The following SULF1 variants were observed in gnomAD, a reference collection of about 807,000 sequenced individuals.
SULF1 encodes the protein sulfatase 1.
In SULF1, 46 loss-of-function variants were observed where a neutral mutation model predicts 110.5. The observed-to-expected ratio is 0.42, with a 90% CI of 0.33 to 0.53. The LOEUF (loss-of-function observed/expected upper bound fraction) is 0.53, where lower values mean the gene tolerates loss of function less well. Ranked by LOEUF, SULF1 falls within the 20% of genes least tolerant of loss-of-function variation. SULF1 has a pLI of 0.12. For missense variants in SULF1, 941 were observed against 1,094.2 expected (o/e 0.86, Z 1.98); for synonymous variants, 371 against 387.1 (o/e 0.96, Z 0.49).
intron 22 of SULF1, among the ~76,000 whole-genome samples, chr8:69,645,188 C>T (rs1035011428): frequency 3.9e-5 from 6 of 152,144 alleles, no homozygotes; most frequent in Non-Finnish European, 8.8e-5. Flanking sequence ...TGGGTAGCGG[C>T]AGGGGTGACA....
chr8:69,592,033 G>C (rs569495480), intron 8 of SULF1, among the ~76,000 whole-genome samples: 4 of 152,174 alleles, frequency 2.6e-5, no homozygotes, highest in Admixed American at 1.3e-4. Context: ...GCAGACGTTC[G>C]CAGGGCTGTG....
At chr8:69,532,423 C>G (rs1257420498) in intron 3 of SULF1, among the ~76,000 whole-genome samples, 3 of 151,970 alleles carry the variant, frequency 2.0e-5, no homozygotes, top group African/African-American at 4.8e-5. Flanking sequence ...TGTAATAGAT[C>G]CATTAGCATT....
rs1288227730 is a variant in SULF1 at position 69,623,958 on chromosome 8, TG to T, written c.1612del (p.Val538SerfsTer20). 1 of 1,613,730 alleles carries T rather than the reference TG, an allele frequency of 6.2e-7. No individual in the cohort carries two copies. The highest frequency in any genetic ancestry group is 8.5e-7 in the Non-Finnish European group (1 of 1,179,832). On this transcript the variant is annotated frameshift_variant, in exon 15 of 23. Transcript: ENST00000402687. LOFTEE classifies it high-confidence loss of function. ...TACTTCTAGAGTACAAGCCCAGATT[TG>T]TCCATACTCGGCAGACACGTTCCTT... Reference protein sequence around the residue: ...QGTPKYKPRFVHTRQTRSLSV... With the variant: ...QGTPKYKPRFXHTRQTRSLSV...
intron 8 of SULF1, among the ~76,000 whole-genome samples, chr8:69,590,176 T>A (rs966690325): frequency 1.3e-5 from 2 of 152,206 alleles, no homozygotes. Flanking sequence ...GTTCTCTTTT[T>A]TTTGAGACAG....
intron 6 of SULF1, among the ~76,000 whole-genome samples, chr8:69,583,351 T>C (rs1480692901): frequency 6.6e-6 from 1 of 151,292 alleles, no homozygotes; most frequent in Non-Finnish European, 1.5e-5. Context: ...ATCGATCACC[T>C]GAGGTCAGGA....
chr8:69,564,950 G>C (rs1041442968), intron 5 of SULF1, among the ~76,000 whole-genome samples: 1 of 152,202 alleles, frequency 6.6e-6, no homozygotes, highest in Admixed American at 6.5e-5. Flanking sequence ...GCATCACCCA[G>C]CTGTGCTTAG....
chr8:69,569,504 G>A (rs1805063166), intron 5 of SULF1, among the ~76,000 whole-genome samples: 1 of 152,240 alleles, frequency 6.6e-6, no homozygotes, highest in Non-Finnish European at 1.5e-5. Flanking sequence ...CCACTACTGT[G>A]TTGTCCCTCA....
At chr8:69,486,102 C>A (rs1165881034) in intron 1 of SULF1, among the ~76,000 whole-genome samples, 1 of 152,128 alleles carries the variant, frequency 6.6e-6, no homozygotes, top group Non-Finnish European at 1.5e-5. Flanking sequence ...CACTCCTCAG[C>A]TAATGCTCCC....
At chr8:69,472,056 A>G (rs1809109648) in intron 1 of SULF1, among the ~76,000 whole-genome samples, 1 of 152,072 alleles carries the variant, frequency 6.6e-6, no homozygotes, top group Non-Finnish European at 1.5e-5. Flanking sequence ...GATTTGGAGC[A>G]ACTGAGCTAA....
intron 22 of SULF1, among the ~76,000 whole-genome samples, chr8:69,652,682 A>G (rs945373510): frequency 7.2e-5 from 11 of 152,342 alleles, no homozygotes; most frequent in Non-Finnish European, 1.6e-4. Context: ...AGAGTTGTAT[A>G]CAGACTGTAG....
chr8:69,562,231 C>CGT (rs111266347), intron 3 of SULF1, among the ~76,000 whole-genome samples: 26 of 152,240 alleles, frequency 1.7e-4, no homozygotes, highest in Non-Finnish European at 3.5e-4. Flanking sequence ...AATGGGGATA[C>CGT]GTGTGTGTGT....
chr8:69,626,771 G>A (rs116272239), intron 15 of SULF1, among the ~76,000 whole-genome samples: 3,358 of 152,342 alleles, frequency 0.022, 147 homozygotes, highest in African/African-American at 0.077. Context: ...GCGAGTGTGG[G>A]GCCAGCCAAG....
chr8:69,618,018 G>A (rs548355659), intron 13 of SULF1, among the ~76,000 whole-genome samples: 1 of 152,262 alleles, frequency 6.6e-6, no homozygotes, highest in East Asian at 1.9e-4. Flanking sequence ...CTGCAAAACT[G>A]TCCAGTAAGC....
At chr8:69,581,589 A>T (rs1806065941) in intron 6 of SULF1, among the ~76,000 whole-genome samples, 2 of 152,228 alleles carry the variant, frequency 1.3e-5, no homozygotes, top group Non-Finnish European at 2.9e-5. Context: ...AGATAGTAGG[A>T]GTTGAATTGA....
chr8:69,504,238 T>A (rs751940863), intron 3 of SULF1, among the ~76,000 whole-genome samples: 1 of 152,034 alleles, frequency 6.6e-6, no homozygotes, highest in Non-Finnish European at 1.5e-5. Flanking sequence ...TATGGGAAAA[T>A]ACAAGTAAGT....
At chr8:69,547,328 A>G (rs992236878) in intron 3 of SULF1, among the ~76,000 whole-genome samples, 4 of 152,238 alleles carry the variant, frequency 2.6e-5, no homozygotes, top group Non-Finnish European at 5.9e-5. Flanking sequence ...TTTATCCATG[A>G]AAGAGCAAAT....
chr8:69,468,368 A>G (rs559610476), intron 1 of SULF1, among the ~76,000 whole-genome samples: 39 of 152,218 alleles, frequency 2.6e-4, no homozygotes, highest in Non-Finnish European at 4.4e-4. Flanking sequence ...AAGTTGCATT[A>G]TACATATTTT....
At chr8:69,655,301 G>A (rs1211101619) in intron 22 of SULF1, among the ~76,000 whole-genome samples, 1 of 152,166 alleles carries the variant, frequency 6.6e-6, no homozygotes, top group African/African-American at 2.4e-5. Flanking sequence ...CTGCATGGCT[G>A]CAGCACCACC....
rs190449921 is a variant in SULF1 at position 69,514,372 on chromosome 8, A to G, written c.-134+12404A>G. Among the ~76,000 whole-genome samples the G allele has an allele frequency of 9.9e-5, 15 of 152,280 alleles. No homozygotes were observed. The East Asian group carries it at 2.7e-3, about 27-fold the overall frequency. ...AGGGGGAAGTGCTACACACTTTTAC[A>G]CAACCAGATCTCATGGGAACTCACT... is the stretch of plus-strand genomic sequence containing the variant. On this transcript the variant is annotated intron_variant, in intron 3 of 22. Coordinates refer to ENST00000402687, the MANE Select transcript of SULF1 (RefSeq NM_001128205.2).
Sources: allele counts gnomAD v4.1 joint callset (sites outside exome capture counted in the v4.1 genomes callset), GRCh38; gene constraint gnomAD v4.1.1; transcripts MANE v1.5; gene names NCBI Gene and HGNC (gene_info 2026-07-23, HGNC 2026-07-21).